Variants in SYN3 observed in about 807,000 individuals in gnomAD.
SYN3 encodes synapsin-3.
Under a neutral mutation model 65.8 loss-of-function variants are expected in SYN3, and 35 were observed. The ratio of observed to expected loss-of-function variants is 0.53; its 90% CI spans 0.41 to 0.70. SYN3 has a LOEUF of 0.70. SYN3 is among the 30% of genes least tolerant of loss of function. SYN3 has a pLI of 0.00. For synonymous variants in SYN3, 270 were observed against 292.9 expected (o/e 0.92, Z 0.80); for missense variants, 680 against 749.0 (o/e 0.91, Z 1.08).
At chr22:32,537,295 G>T (rs5998532) in intron 9 of SYN3, among the ~76,000 whole-genome samples, 4,037 of 152,152 alleles carry the variant, frequency 0.027, 191 homozygotes, top group African/African-American at 0.093. Flanking sequence ...GAGTAGCTGG[G>T]ATTACAGGCA....
chr22:32,751,028 C>A (rs1769126246), intron 6 of SYN3, among the ~76,000 whole-genome samples: 1 of 151,942 alleles, frequency 6.6e-6, no homozygotes, highest in Non-Finnish European at 1.5e-5. Context: ...CAGGTTAGAG[C>A]AACAAAGGAA....
At chr22:32,835,433 A>C (rs113001019) in intron 6 of SYN3, among the ~76,000 whole-genome samples, 1 of 152,270 alleles carries the variant, frequency 6.6e-6, no homozygotes, top group Non-Finnish European at 1.5e-5. Flanking sequence ...AGGGCCCCTG[A>C]GAATACAAAA....
intron 1 of SYN3, among the ~76,000 whole-genome samples, chr22:33,038,970 G>A (rs1049654603): frequency 3.3e-5 from 5 of 152,210 alleles, no homozygotes; most frequent in Admixed American, 2.0e-4. Context: ...ACAGCAGAGC[G>A]GAGAGTTCTG....
intron 6 of SYN3, among the ~76,000 whole-genome samples, chr22:32,812,964 G>A (rs1343199093): frequency 6.6e-6 from 1 of 152,204 alleles, no homozygotes; most frequent in Non-Finnish European, 1.5e-5. Flanking sequence ...CTGAACAAAT[G>A]AGTGCAGTGG....
Position 32,654,804 on chromosome 22 carries a change from G to C in SYN3, c.712-58068C>G, listed in dbSNP as rs1253203376. ...GCAGCCATTTGCTGCTGCTACTCTG[G>C]GCTGGGGCCAGGCTCCACCCCTTGA... is the stretch of plus-strand genomic sequence containing the variant. On this transcript the variant is annotated intron_variant, in intron 6 of 13. Transcript: ENST00000358763. Among the ~76,000 whole-genome samples, 10 of 152,176 alleles carry C rather than the reference G, an allele frequency of 6.6e-5. No homozygotes were observed. The South Asian group carries it at 1.9e-3, about 28-fold the overall frequency.
At chr22:33,020,253 A>C (rs2053538552) in intron 1 of SYN3, among the ~76,000 whole-genome samples, 2 of 152,220 alleles carry the variant, frequency 1.3e-5, no homozygotes, top group Non-Finnish European at 2.9e-5. Flanking sequence ...AAAATGGAGA[A>C]AGTGGTGAGG....
chr22:32,525,673 A>G (rs1006940710), intron 12 of SYN3, among the ~76,000 whole-genome samples: 1 of 151,234 alleles, frequency 6.6e-6, no homozygotes, highest in Non-Finnish European at 1.5e-5. Flanking sequence ...ATCACGCCAT[A>G]GCACTCCAGC....
intron 1 of SYN3, among the ~76,000 whole-genome samples, chr22:33,020,793 T>C (rs567289601): frequency 6.6e-5 from 10 of 152,298 alleles, no homozygotes; most frequent in African/African-American, 2.4e-4. Flanking sequence ...GGCAGTAAGC[T>C]TGAAGGTTAA....
chr22:32,551,021 T>C (rs956996932), intron 7 of SYN3, among the ~76,000 whole-genome samples: 8 of 152,206 alleles, frequency 5.3e-5, no homozygotes, highest in African/African-American at 1.7e-4. Flanking sequence ...TTGGTCATGT[T>C]TGGAGGGTGC....
chr22:32,980,820 G>C (rs1601833636), intron 2 of SYN3, 118 bp from the exon 3 acceptor site: 1 of 816,912 alleles, frequency 1.2e-6, no homozygotes, highest in East Asian at 2.5e-5. Context: ...CCATCCTACT[G>C]TCTCCTCCCA....
intron 1 of SYN3, among the ~76,000 whole-genome samples, chr22:33,037,302 G>A (rs1008519042): frequency 2.6e-5 from 4 of 152,100 alleles, no homozygotes; most frequent in Admixed American, 6.6e-5. Flanking sequence ...GGGCCCAGAT[G>A]TTCTGGCTCC....
At chr22:32,730,955 A>G (rs1396207291) in intron 6 of SYN3, among the ~76,000 whole-genome samples, 2 of 152,088 alleles carry the variant, frequency 1.3e-5, no homozygotes, top group Non-Finnish European at 2.9e-5. Context: ...ACTTTCCAGG[A>G]TGGCCTTTCA....
intron 6 of SYN3, among the ~76,000 whole-genome samples, chr22:32,612,959 T>C (rs1601759021): frequency 6.6e-6 from 1 of 152,272 alleles, no homozygotes; most frequent in Admixed American, 6.5e-5. Flanking sequence ...GATCGGATCA[T>C]GGGGGCAGAT....
intron 6 of SYN3, among the ~76,000 whole-genome samples, chr22:32,698,879 C>G (rs1189073855): frequency 6.6e-6 from 1 of 152,136 alleles, no homozygotes; most frequent in Non-Finnish European, 1.5e-5. Context: ...TACTCAGTGG[C>G]ATGAGATGGA....
chr22:32,559,028 A>G (rs1346467679), intron 7 of SYN3, among the ~76,000 whole-genome samples: 2 of 152,370 alleles, frequency 1.3e-5, no homozygotes, highest in South Asian at 2.1e-4. Context: ...AGTGCTTTCT[A>G]TGTGCTTGGT....
intron 7 of SYN3, among the ~76,000 whole-genome samples, chr22:32,566,217 A>G (rs1601648947): frequency 2.6e-5 from 4 of 152,240 alleles, no homozygotes; most frequent in East Asian, 3.9e-4. Flanking sequence ...TATGATTGAG[A>G]TATTTTATGT....
At chr22:32,982,499 A>G (rs1476930392) in intron 2 of SYN3, among the ~76,000 whole-genome samples, 1 of 152,024 alleles carries the variant, frequency 6.6e-6, no homozygotes, top group Non-Finnish European at 1.5e-5. Context: ...TTACCTGGTG[A>G]TTTTTCTCCA....
chr22:32,704,364 A>G (rs1006214551), intron 6 of SYN3, among the ~76,000 whole-genome samples: 2 of 152,182 alleles, frequency 1.3e-5, no homozygotes, highest in Non-Finnish European at 2.9e-5. Flanking sequence ...AATGGCCTCC[A>G]GCTCCATCCA....
chr22:32,603,189 T>A lies in SYN3; in HGVS notation c.712-6453A>T, dbSNP rs558595717. 8.5e-4 allele frequency among the ~76,000 whole-genome samples: 129 copies of A among 151,986 alleles called. 2 individuals are homozygous for A. The highest frequency in any genetic ancestry group is 2.9e-3 in the African/African-American group (119 of 41,460). ...ACCAGGCACTTTATGGATGGTAGCA[T>A]CCTTTCCCTCCCCCATGTTATAGAT... is the stretch of plus-strand genomic sequence containing the variant. On this transcript the variant is annotated intron_variant, in intron 6 of 13. Coordinates refer to ENST00000358763, the MANE Select transcript of SYN3 (RefSeq NM_003490.4).
Sources: gnomAD v4.1 joint callset for allele counts (sites outside exome capture counted in the v4.1 genomes callset) on GRCh38, gnomAD v4.1.1 for gene constraint, MANE v1.5 for transcripts, NCBI Gene and HGNC (gene_info 2026-07-23, HGNC 2026-07-21) for gene names.